SLC25A43: variants seen among roughly 807,000 people sequenced by gnomAD.
SLC25A43 encodes the protein solute carrier family 25 member 43, also known as solute carrier family 25, member 43.
Under a neutral mutation model 22.8 loss-of-function variants are expected in SLC25A43, and 10 were observed. The observed-to-expected ratio is 0.44, with a 90% CI of 0.27 to 0.74. SLC25A43 has a LOEUF of 0.74. Among genes scored for constraint, SLC25A43 ranks in the 30% least tolerant of loss-of-function variants. The pLI is 0.17. For missense variants in SLC25A43, 233 were observed against 279.1 expected (o/e 0.83, Z 1.18); for synonymous variants, 106 against 121.6 (o/e 0.87, Z 0.84).
At chrX:119,428,520 TTTA>T (rs2052527461) in intron 3 of SLC25A43, among the ~76,000 whole-genome samples, 2 of 112,497 alleles carry the variant, frequency 1.8e-5, no homozygotes, top group Non-Finnish European at 1.9e-5. Flanking sequence ...ATATTTTTCA[TTTA>T]TGACATAGTA....
chrX:119,432,740 A>G (rs1253566419), intron 3 of SLC25A43, among the ~76,000 whole-genome samples: 2 of 105,327 alleles, frequency 1.9e-5, no homozygotes, highest in African/African-American at 7.0e-5. Context: ...GTAAGCCAAG[A>G]TCGTGCCACT....
At chrX:119,421,628 T>A (rs998132558) in intron 3 of SLC25A43, among the ~76,000 whole-genome samples, 2 of 112,035 alleles carry the variant, frequency 1.8e-5, no homozygotes, top group Non-Finnish European at 3.8e-5. Flanking sequence ...GATGGCTGTC[T>A]TTTCTGACCT....
At chrX:119,448,849 T>C (rs182328177) in intron 3 of SLC25A43, among the ~76,000 whole-genome samples, 182 of 112,185 alleles carry the variant, frequency 1.6e-3, no homozygotes, top group Non-Finnish European at 2.6e-3. Context: ...TTTGGTTCAC[T>C]AATGTATCCT....
chrX:119,450,810 C>T (rs763100881), intron 3 of SLC25A43, among the ~76,000 whole-genome samples: 1 of 112,629 alleles, frequency 8.9e-6, no homozygotes, highest in African/African-American at 3.2e-5. Flanking sequence ...ACAGGTAGTA[C>T]CAGTTTTATA....
intron 3 of SLC25A43, among the ~76,000 whole-genome samples, chrX:119,429,218 A>C (rs1345977316): frequency 9.1e-6 from 1 of 110,127 alleles, no homozygotes; most frequent in African/African-American, 3.3e-5. Context: ...TGCCCAGCTA[A>C]TTTTTGTATT....
intron 3 of SLC25A43, among the ~76,000 whole-genome samples, chrX:119,447,192 G>A (rs2052675200): frequency 8.9e-6 from 1 of 111,895 alleles, no homozygotes; most frequent in South Asian, 3.7e-4. Flanking sequence ...GACCTCAGGT[G>A]ATCCACTTGC....
At chrX:119,445,742 T>C (rs1444385196) in intron 3 of SLC25A43, among the ~76,000 whole-genome samples, 1 of 111,365 alleles carries the variant, frequency 9.0e-6, no homozygotes. Context: ...GAAGGGAAGA[T>C]CTTAGGGTCC....
chrX:119,410,047 C>G (rs2052335811), intron 2 of SLC25A43, 143 bp from the exon 3 acceptor site: 2 of 597,218 alleles, frequency 3.3e-6, no homozygotes, highest in Admixed American at 3.1e-5. Context: ...AAGAAAGTTC[C>G]CTCATGCTCC....
chrX:119,432,318 CAT>C (rs1215954796), intron 3 of SLC25A43, among the ~76,000 whole-genome samples: 1 of 111,482 alleles, frequency 9.0e-6, no homozygotes, highest in African/African-American at 3.3e-5. Context: ...TTTAGATAAA[CAT>C]AATTCTAATT....
intron 3 of SLC25A43, among the ~76,000 whole-genome samples, chrX:119,431,572 G>T (rs2052552646): frequency 9.1e-6 from 1 of 110,464 alleles, no homozygotes; most frequent in South Asian, 3.8e-4. Flanking sequence ...AGAAGAAAAA[G>T]AAAGCACTCA....
chrX:119,451,878 G>A, intron 3 of SLC25A43, 131 bp from the exon 4 acceptor site: 1 of 1,156,759 alleles, frequency 8.6e-7, no homozygotes, highest in East Asian at 3.1e-5. Flanking sequence ...CCCCACAGCA[G>A]CCATTCTTTG....
At chrX:119,432,318 C>A (rs1227683916) in intron 3 of SLC25A43, among the ~76,000 whole-genome samples, 2 of 111,481 alleles carry the variant, frequency 1.8e-5, no homozygotes, top group Non-Finnish European at 3.8e-5. Flanking sequence ...TTTAGATAAA[C>A]ATAATTCTAA....
chrX:119,449,535 G>A (rs2052691040), intron 3 of SLC25A43, among the ~76,000 whole-genome samples: 1 of 109,911 alleles, frequency 9.1e-6, no homozygotes, highest in Non-Finnish European at 1.9e-5. Flanking sequence ...TTCAAGACCA[G>A]CCTGGGCAAC....
intron 3 of SLC25A43, among the ~76,000 whole-genome samples, chrX:119,425,730 GAA>G (rs765280513): frequency 1.8e-5 from 2 of 110,279 alleles, no homozygotes; most frequent in African/African-American, 6.6e-5. Context: ...GAAAGGAAAG[GAA>G]AAGTCTCCCC....
chrX:119,399,691 C>T lies in SLC25A43; in HGVS notation c.275+13C>T. On this transcript the variant is annotated intron_variant, in intron 1 of 4. Transcript: ENST00000217909. ...CCGCCTACCGCAAGTAAGAGCCGGG[C>T]GGGGCCGGGGAACCGGGAGACCGGA... 2 of 719,468 alleles carry T rather than the reference C, an allele frequency of 2.8e-6. No homozygotes were observed. The highest frequency in any genetic ancestry group is 9.9e-5 in the East Asian group (1 of 10,145). 59.3% of individuals were successfully genotyped at this position (719,468 alleles called of 1,213,427 possible). A position where few individuals can be genotyped will look rare whatever the true frequency, so the allele number is the denominator to read the frequency against.
chrX:119,429,902 A>G (rs2052538700), intron 3 of SLC25A43, among the ~76,000 whole-genome samples: 1 of 112,293 alleles, frequency 8.9e-6, no homozygotes, highest in African/African-American at 3.2e-5. Context: ...GGCCAGCAGC[A>G]TGGATTACAG....
chrX:119,445,766 G>A (rs184088738), intron 3 of SLC25A43, among the ~76,000 whole-genome samples: 1 of 111,364 alleles, frequency 9.0e-6, no homozygotes, highest in Admixed American at 9.6e-5. Context: ...TCAGATTGGG[G>A]TCTCTGGTTT....
chrX:119,435,218 T>G (rs150231417), intron 3 of SLC25A43, among the ~76,000 whole-genome samples: 6,244 of 111,076 alleles, frequency 0.056, 167 homozygotes, highest in South Asian at 0.11. Context: ...ACGAGCATGC[T>G]GGAACCACTT....
chrX:119,415,651 T>C (rs1415330128), intron 3 of SLC25A43, among the ~76,000 whole-genome samples: 1 of 103,209 alleles, frequency 9.7e-6, no homozygotes, highest in Admixed American at 1.1e-4. Flanking sequence ...GCTGAGATCA[T>C]CCCATTGCAC....
Sources: gnomAD v4.1 joint callset for allele counts (sites outside exome capture counted in the v4.1 genomes callset) on GRCh38, gnomAD v4.1.1 for gene constraint, MANE v1.5 for transcripts, NCBI Gene and HGNC (gene_info 2026-07-23, HGNC 2026-07-21) for gene names.